The following ZFP64 variants were observed in gnomAD, a reference collection of about 807,000 sequenced individuals.
ZFP64 encodes ZFP64 zinc finger protein.
Under a neutral mutation model 51.6 loss-of-function variants are expected in ZFP64, and 14 were observed. The ratio of observed to expected loss-of-function variants is 0.27; its 90% confidence interval spans 0.18 to 0.42. The LOEUF is 0.42. Among genes scored for constraint, ZFP64 ranks in the 10% least tolerant of loss-of-function variants. ZFP64 has a pLI of 1.00. For synonymous variants in ZFP64, 375 were observed against 361.4 expected (o/e 1.04, Z -0.43); for missense variants, 754 against 906.8 (o/e 0.83, Z 2.16).
intron 5 of ZFP64, among the ~76,000 whole-genome samples, chr20:52,142,327 C>T (rs1293192128): frequency 1.3e-5 from 2 of 150,992 alleles, no homozygotes; most frequent in Admixed American, 6.6e-5. Flanking sequence ...GAGATTACGC[C>T]ACTGCACTCC....
chr20:52,173,580 C>T (rs8125803), intron 2 of ZFP64, among the ~76,000 whole-genome samples: 3,553 of 151,748 alleles, frequency 0.023, 56 homozygotes, highest in African/African-American at 0.041. Context: ...AGAGCAAGAC[C>T]GTCTCTAGAA....
intron 5 of ZFP64, among the ~76,000 whole-genome samples, chr20:52,113,631 G>A (rs1352574421): frequency 6.8e-6 from 1 of 146,816 alleles, no homozygotes; most frequent in Admixed American, 7.0e-5. Flanking sequence ...GAGAGACAGG[G>A]TTTTACCATG....
chr20:52,138,525 A>G (rs1031210927), intron 5 of ZFP64, among the ~76,000 whole-genome samples: 1 of 152,098 alleles, frequency 6.6e-6, no homozygotes, highest in African/African-American at 2.4e-5. Context: ...GAGATAAAGC[A>G]TGATTTAAGG....
intron 5 of ZFP64, among the ~76,000 whole-genome samples, chr20:52,111,806 G>T (rs538491227): frequency 6.6e-6 from 1 of 151,870 alleles, no homozygotes; most frequent in East Asian, 2.0e-4. Context: ...CTCTGGCTGG[G>T]CACAGTGGCT....
chr20:52,167,123 G>A (rs1394287466), intron 2 of ZFP64, among the ~76,000 whole-genome samples: 4 of 151,884 alleles, frequency 2.6e-5, no homozygotes, highest in Admixed American at 6.6e-5. Flanking sequence ...TCAGGAGTTC[G>A]AGACTAGCCT....
intron 5 of ZFP64, among the ~76,000 whole-genome samples, chr20:52,130,527 A>C (rs925345960): frequency 6.6e-6 from 1 of 152,022 alleles, no homozygotes; most frequent in African/African-American, 2.4e-5. Flanking sequence ...TCTGCTTATT[A>C]TTTATCTGTT....
intron 5 of ZFP64, among the ~76,000 whole-genome samples, chr20:52,120,700 G>A (rs576938611): frequency 3.7e-4 from 45 of 122,792 alleles, no homozygotes; most frequent in Non-Finnish European, 5.6e-4. Context: ...TTTTTGAGAC[G>A]GAGTCTTGCT....
Position 52,153,262 on chromosome 20 carries a change from G to A in ZFP64, c.930C>T (p.His310=). The A allele has an allele frequency of 6.2e-7, 1 of 1,614,232 alleles. No homozygotes were observed. The highest frequency in any genetic ancestry group is 1.1e-5 in the South Asian group (1 of 91,082). Residue 310 remains histidine, a synonymous_variant, in exon 6 of 6, where the codon CAC becomes CAT. Transcript: ENST00000216923. The surrounding 1 kb of genome is among the most constrained non-coding windows in gnomAD (Gnocchi z 5.1). ...GNLKSHIRIK[H]SGNNFKCPHC... Reference sequence around the variant, plus strand: ...GAGGACACTTGAAGTTATTCCCGCTGTGCTTGATACGGATGTGCGACTTGA... The same window carrying A: ...GAGGACACTTGAAGTTATTCCCGCTATGCTTGATACGGATGTGCGACTTGA...
downstream of ZFP64, among the ~76,000 whole-genome samples, chr20:52,147,460 T>C (rs910863717): frequency 6.6e-6 from 1 of 152,196 alleles, no homozygotes. Context: ...GTTTGGAGGT[T>C]CTGGCTAAAG....
rs184088225 is a variant in ZFP64 at position 52,185,995 on chromosome 20, T to C, written c.286+837A>G. ...TTTCCCCAAGTTGATTGTCTTTAGA[T>C]TTTGCATTTTACTTCGGAAAAAGTA... On this transcript the variant is annotated intron_variant, in intron 2 of 5. Coordinates refer to ENST00000216923, the MANE Select transcript of ZFP64 (RefSeq NM_018197.3). 5.5e-3 allele frequency among the ~76,000 whole-genome samples: 840 copies of C among 152,352 alleles called. 3 individuals are homozygous for C. The highest frequency in any genetic ancestry group is 0.013 in the Admixed American group (204 of 15,296).
At chr20:52,181,740 C>T (rs986501587) in intron 2 of ZFP64, among the ~76,000 whole-genome samples, 1 of 152,180 alleles carries the variant, frequency 6.6e-6, no homozygotes, top group Non-Finnish European at 1.5e-5. Context: ...TGAGCCTCGG[C>T]TCCAGACATT....
At chr20:52,162,953 C>T (rs1295617289) in intron 4 of ZFP64, among the ~76,000 whole-genome samples, 2 of 149,894 alleles carry the variant, frequency 1.3e-5, no homozygotes, top group Non-Finnish European at 3.0e-5. Flanking sequence ...AGAAACTATC[C>T]TCCAAACACA....
chr20:52,100,627 A>T (rs1177435668), intron 5 of ZFP64, among the ~76,000 whole-genome samples: 2 of 152,214 alleles, frequency 1.3e-5, no homozygotes, highest in Admixed American at 1.3e-4. Context: ...TTATTACAAA[A>T]GGTGGATTAT....
chr20:52,110,789 A>G lies in ZFP64; in HGVS notation c.764-12202T>C, dbSNP rs1978520327. 4 of 1,593,986 alleles carry G rather than the reference A, an allele frequency of 2.5e-6. No homozygotes were observed. The African/African-American group carries it at 5.4e-5, about 21-fold the overall frequency. ...TCCCGGGAGAGGTAGAAGACTGGGTAGCTCTCTTTGAGCAGCTTGTATTTC... is the reference window on the plus strand; with the variant it reads ...TCCCGGGAGAGGTAGAAGACTGGGTGGCTCTCTTTGAGCAGCTTGTATTTC... On this transcript the variant is annotated intron_variant, in intron 5 of 8. Transcript: ENST00000361387.
Position 52,160,006 on chromosome 20 carries a change from G to T in ZFP64, c.763+117C>A. ...AAAAAAAAACAAAACTGCAAACAAC[G>T]GGATGAGCAAAGGTTCCAACTCGAT... On this transcript the variant is annotated intron_variant, in intron 5 of 5. Transcript: ENST00000216923. The surrounding 1 kb of genome is among the most constrained non-coding windows in gnomAD (Gnocchi z 4.2). 6.6e-7 allele frequency: 1 copy of T among 1,525,698 alleles called. No homozygotes were observed. The highest frequency in any genetic ancestry group is 8.9e-7 in the Non-Finnish European group (1 of 1,129,442). 94.5% of individuals were successfully genotyped at this position (1,525,698 alleles called of 1,614,324 possible).
In ZFP64 at chr20:52,153,562, C is replaced by G. The variant is rs913413285; in HGVS notation, c.764-134G>C. 2 of 1,334,082 alleles carry G rather than the reference C, an allele frequency of 1.5e-6. No individual in the cohort carries two copies. The highest frequency in any genetic ancestry group is 2.9e-5 in the African/African-American group (2 of 67,962). The allele number at this position is 1,334,082 out of a possible 1,614,324, so 82.6% of individuals were successfully genotyped here. Reference sequence around the variant, plus strand: ...CTCCTAACTGCAGCTTCTAGCAGCCCCTGGCAGTGGGGGAAGAGGGGCAGG... The same window carrying G: ...CTCCTAACTGCAGCTTCTAGCAGCCGCTGGCAGTGGGGGAAGAGGGGCAGG... On this transcript the variant is annotated intron_variant, in intron 5 of 5. Transcript: ENST00000216923. This position sits in a 1 kb window ranked among gnomAD's most constrained non-coding sequence, Gnocchi z 5.1.
chr20:52,158,248 C>A (rs922946063), intron 5 of ZFP64, among the ~76,000 whole-genome samples: 1 of 152,112 alleles, frequency 6.6e-6, no homozygotes, highest in Admixed American at 6.6e-5. Flanking sequence ...TTATTTCAAC[C>A]GTCTCTAGAT....
chr20:52,130,211 GT>G (rs1342163740), intron 5 of ZFP64, among the ~76,000 whole-genome samples: 1 of 149,366 alleles, frequency 6.7e-6, no homozygotes, highest in African/African-American at 2.6e-5. Flanking sequence ...CTACAATTGT[GT>G]TTTGTTTGTT....
chr20:52,138,014 A>AAAATAAATAAAT (rs199839575), intron 5 of ZFP64, among the ~76,000 whole-genome samples: 2 of 136,630 alleles, frequency 1.5e-5, no homozygotes, highest in East Asian at 2.0e-4. Flanking sequence ...CATCTTTACA[A>AAAATAAATAAAT]AAATAAATAA....
Sources: gnomAD v4.1 joint callset for allele counts (sites outside exome capture counted in the v4.1 genomes callset) on GRCh38, gnomAD v4.1.1 for gene constraint, Gnocchi (gnomAD v3.1) non-coding constraint, MANE v1.5 for transcripts, NCBI Gene and HGNC (gene_info 2026-07-23, HGNC 2026-07-21) for gene names.